ZDHHC2: variants seen among roughly 807,000 people sequenced by gnomAD.
ZDHHC2 encodes zDHHC palmitoyltransferase 2.
In ZDHHC2, 51 loss-of-function variants were observed where a neutral mutation model predicts 55.6. The ratio of observed to expected loss-of-function variants is 0.92; its 90% CI spans 0.73 to 1.16. The LOEUF (loss-of-function observed/expected upper bound fraction) is 1.16, where lower values mean the gene tolerates loss of function less well. ZDHHC2 is among the 50% of genes most tolerant of loss of function. The pLI is 0.00. For missense variants in ZDHHC2, 491 were observed against 442.4 expected (o/e 1.11, Z -0.99); for synonymous variants, 199 against 152.9 (o/e 1.30, Z -2.22).
intron 1 of ZDHHC2, among the ~76,000 whole-genome samples, chr8:17,177,232 C>T (rs542290956): frequency 8.5e-5 from 13 of 152,120 alleles, no homozygotes; most frequent in Non-Finnish European, 1.3e-4. Context: ...GACCTTGACA[C>T]GGGTGATTGC....
intron 3 of ZDHHC2, among the ~76,000 whole-genome samples, chr8:17,192,260 A>G (rs548695208): frequency 5.3e-5 from 8 of 152,292 alleles, no homozygotes; most frequent in South Asian, 2.1e-4. Context: ...TGCTGGGATT[A>G]TAAGCATGAG....
At chr8:17,156,964 G>A (rs1370455191) in intron 1 of ZDHHC2, 111 bp downstream of exon 1, 3 of 1,057,238 alleles carry the variant, frequency 2.8e-6, no homozygotes, top group Non-Finnish European at 3.8e-6. Flanking sequence ...CCCGGGCGCT[G>A]CCAACCTGCC....
chr8:17,194,574 C>A (rs774610347), intron 3 of ZDHHC2, among the ~76,000 whole-genome samples: 1 of 151,888 alleles, frequency 6.6e-6, no homozygotes, highest in Non-Finnish European at 1.5e-5. Context: ...GTGCATGTAT[C>A]TCTCAACAAC....
At chr8:17,200,728 T>G (rs1389490146) in intron 6 of ZDHHC2, among the ~76,000 whole-genome samples, 1 of 152,236 alleles carries the variant, frequency 6.6e-6, no homozygotes, top group Non-Finnish European at 1.5e-5. Context: ...TTTCACAGAT[T>G]CTGTTAAATA....
chr8:17,180,061 T>G (rs181333594), intron 1 of ZDHHC2, among the ~76,000 whole-genome samples: 1 of 152,354 alleles, frequency 6.6e-6, no homozygotes, highest in African/African-American at 2.4e-5. Context: ...CCACCAGATG[T>G]AGGATTGGTA....
intron 2 of ZDHHC2, 101 bp downstream of exon 2, chr8:17,184,916 T>C: frequency 1.9e-6 from 2 of 1,058,600 alleles, no homozygotes; most frequent in South Asian, 1.7e-5. Context: ...TGTTTGAGAA[T>C]GTGGAGACAA....
At chr8:17,217,375 T>G (rs1263207252) in intron 12 of ZDHHC2, 129 bp downstream of exon 12, 4 of 667,758 alleles carry the variant, frequency 6.0e-6, no homozygotes, top group South Asian at 2.1e-5. Context: ...ACCTGACTTG[T>G]GAGATTGCAT....
intron 1 of ZDHHC2, among the ~76,000 whole-genome samples, chr8:17,160,748 A>G (rs1319858734): frequency 2.6e-5 from 4 of 152,248 alleles, no homozygotes; most frequent in Admixed American, 2.0e-4. Context: ...GTTTGGGGCT[A>G]TATAGTACAT....
Position 17,183,238 on chromosome 8 carries a change from T to A in ZDHHC2, c.131-1551T>A, listed in dbSNP as rs142337949. Among the ~76,000 whole-genome samples, 28 of 152,334 alleles carry A rather than the reference T, an allele frequency of 1.8e-4. 1 individual carries two copies. Among genetic ancestry groups the A allele is most frequent in the African/African-American group, 6.3e-4 (26 of 41,580 alleles). ...TCAAATTGCTTTTCCTTTCCTTAGA[T>A]TGGCTCCACTGAAGGATTGGAAATT... On this transcript the variant is annotated intron_variant, in intron 1 of 12. Transcript: ENST00000262096.
intron 1 of ZDHHC2, among the ~76,000 whole-genome samples, chr8:17,160,756 C>T (rs949730282): frequency 6.6e-6 from 1 of 152,218 alleles, no homozygotes; most frequent in African/African-American, 2.4e-5. Flanking sequence ...CTATATAGTA[C>T]ATATTTTTGG....
chr8:17,197,494 T>A, intron 4 of ZDHHC2, 88 bp from the exon 5 acceptor site: 3 of 1,146,700 alleles, frequency 2.6e-6, no homozygotes, highest in South Asian at 3.0e-5. Context: ...CTTTTTAAAA[T>A]TTAAATTTGG....
At chr8:17,203,526 G>A (rs1052211866) in intron 6 of ZDHHC2, among the ~76,000 whole-genome samples, 1 of 151,974 alleles carries the variant, frequency 6.6e-6, no homozygotes, top group Non-Finnish European at 1.5e-5. Context: ...CAGCCACCAC[G>A]CCCACCCATA....
intron 3 of ZDHHC2, among the ~76,000 whole-genome samples, chr8:17,188,450 C>G (rs1805841765): frequency 6.6e-6 from 1 of 152,134 alleles, no homozygotes; most frequent in Admixed American, 6.5e-5. Flanking sequence ...TTCCTGTATA[C>G]AACATGGCAT....
intron 1 of ZDHHC2, among the ~76,000 whole-genome samples, chr8:17,182,832 G>C (rs1382999842): frequency 6.6e-6 from 1 of 152,098 alleles, no homozygotes; most frequent in African/African-American, 2.4e-5. Context: ...CGTGATGTTG[G>C]CTCACTGCAA....
chr8:17,215,392 T>A, intron 11 of ZDHHC2, 43 bp downstream of exon 11: 2 of 1,497,230 alleles, frequency 1.3e-6, no homozygotes, highest in East Asian at 2.5e-5. Context: ...ATATTTTATT[T>A]TTAGAAGGTA....
chr8:17,184,378 G>T (rs566615521), intron 1 of ZDHHC2, among the ~76,000 whole-genome samples: 5 of 152,344 alleles, frequency 3.3e-5, no homozygotes, highest in African/African-American at 1.2e-4. Context: ...ATTCTTTGTG[G>T]AAAGCTCACC....
rs1213128947 is a variant in ZDHHC2 at position 17,195,625 on chromosome 8, G to C, written c.373+1G>C. On this transcript the variant is annotated splice_donor_variant, in intron 4 of 12. Coordinates refer to ENST00000262096, the MANE Select transcript of ZDHHC2 (RefSeq NM_016353.5). LOFTEE classifies it high-confidence loss of function. ...ATCTATACCAGGACCATGTCTGGAGGTAAATGTTGATAATGAGTGCTTTGC... is the reference window on the plus strand; with the variant it reads ...ATCTATACCAGGACCATGTCTGGAGCTAAATGTTGATAATGAGTGCTTTGC... 1 of 1,613,588 alleles carries C rather than the reference G, an allele frequency of 6.2e-7. No homozygotes were observed. Among genetic ancestry groups the C allele is most frequent in the Non-Finnish European group, 8.5e-7 (1 of 1,179,686 alleles).
chr8:17,199,597 T>TCTTC (rs1563161618), intron 6 of ZDHHC2, among the ~76,000 whole-genome samples: 4 of 51,030 alleles, frequency 7.8e-5, no homozygotes, highest in Non-Finnish European at 2.4e-4. Context: ...TCTTTCTTCT[T>TCTTC]CTTTATTCTT....
intron 12 of ZDHHC2, among the ~76,000 whole-genome samples, chr8:17,219,266 A>AC (rs1807797961): frequency 6.6e-6 from 1 of 150,694 alleles, no homozygotes; most frequent in Non-Finnish European, 1.5e-5. Context: ...AAAAAAAAAA[A>AC]AAAAAAAAAA....
Sources: allele counts gnomAD v4.1 joint callset (sites outside exome capture counted in the v4.1 genomes callset), GRCh38; gene constraint gnomAD v4.1.1; transcripts MANE v1.5; gene names NCBI Gene and HGNC (gene_info 2026-07-23, HGNC 2026-07-21).